Variants in CNTN5 observed in about 807,000 individuals in gnomAD.
CNTN5 encodes contactin-5.
Under a neutral mutation model 129.1 loss-of-function variants are expected in CNTN5, and 77 were observed. The ratio of observed to expected loss-of-function variants is 0.60; its 90% CI spans 0.50 to 0.72. The LOEUF is 0.72. Among genes scored for constraint, CNTN5 ranks in the 30% least tolerant of loss-of-function variants. The pLI, the probability that CNTN5 is intolerant of heterozygous loss-of-function variation, is 0.00. For missense variants in CNTN5, 1,478 were observed against 1,328.8 expected (o/e 1.11, Z -1.75); for synonymous variants, 509 against 465.6 (o/e 1.09, Z -1.20).
chr11:99,761,161 A>G (rs1022684653), intron 3 of CNTN5, among the ~76,000 whole-genome samples: 3 of 152,104 alleles, frequency 2.0e-5, no homozygotes, highest in Non-Finnish European at 4.4e-5. Flanking sequence ...AACAGTAGTA[A>G]TTATTATTTT....
intron 3 of CNTN5, among the ~76,000 whole-genome samples, chr11:99,764,948 A>G (rs1220064682): frequency 1.3e-5 from 2 of 152,072 alleles, no homozygotes; most frequent in Non-Finnish European, 2.9e-5. Flanking sequence ...TCTGTATCAC[A>G]TCATAAATAA....
intron 17 of CNTN5, among the ~76,000 whole-genome samples, chr11:100,270,164 C>G (rs980974128): frequency 3.3e-5 from 5 of 152,204 alleles, no homozygotes; most frequent in African/African-American, 1.2e-4. Flanking sequence ...TGCCTATGCT[C>G]TGAGCATTCA....
At chr11:99,900,892 A>T (rs146862949) in intron 6 of CNTN5, among the ~76,000 whole-genome samples, 2 of 152,098 alleles carry the variant, frequency 1.3e-5, no homozygotes, top group Non-Finnish European at 2.9e-5. Context: ...AGCTAGCCTC[A>T]TACATGTCTC....
intron 2 of CNTN5, among the ~76,000 whole-genome samples, chr11:99,348,522 A>G (rs1938066323): frequency 1.3e-5 from 2 of 152,180 alleles, no homozygotes; most frequent in African/African-American, 4.8e-5. Context: ...TTTTATATCT[A>G]AGCCTGCCAA....
At chr11:99,810,382 T>C (rs918257557) in intron 3 of CNTN5, among the ~76,000 whole-genome samples, 3 of 152,160 alleles carry the variant, frequency 2.0e-5, no homozygotes, top group Admixed American at 2.0e-4. Context: ...ATACCAGGAA[T>C]GCAGTGCCGT....
chr11:100,357,319 G>T lies in CNTN5; in HGVS notation c.*1099G>T, dbSNP rs987693044. ...AAAGACAGTCTTTCTTGGATAAATT[G>T]AATTTTTAATTAAGCTGTGGAAACA... On this transcript the variant is annotated 3_prime_UTR_variant, in exon 25 of 25. Transcript: ENST00000524871. The T allele has an allele frequency of 2.0e-5, 3 of 151,744 alleles. No homozygotes were observed. The highest frequency in any genetic ancestry group is 4.4e-5 in the Non-Finnish European group (3 of 67,794). 9.4% of individuals were successfully genotyped at this position (151,744 alleles called of 1,614,324 possible). A position where few individuals can be genotyped will look rare whatever the true frequency, so the allele number is the denominator to read the frequency against.
At chr11:100,351,143 G>C (rs1300443469) in intron 24 of CNTN5, among the ~76,000 whole-genome samples, 1 of 151,592 alleles carries the variant, frequency 6.6e-6, no homozygotes, top group East Asian at 1.9e-4. Context: ...GCAGTACCTT[G>C]CTAGCCATTT....
chr11:99,930,736 C>T (rs1045095883), intron 7 of CNTN5, among the ~76,000 whole-genome samples: 2 of 151,958 alleles, frequency 1.3e-5, no homozygotes, highest in East Asian at 1.9e-4. Context: ...CTGAATTAAA[C>T]ATTTAATGCT....
Position 99,519,730 on chromosome 11 carries a change from A to G in CNTN5, c.-70-36415A>G, listed in dbSNP as rs529461963. ...AACTGCATAAAAATATACATTTCAC[A>G]TTCCATGTTTATTCAACCAGTCTGG... On this transcript the variant is annotated intron_variant, in intron 2 of 24. Coordinates refer to ENST00000524871, the MANE Select transcript of CNTN5 (RefSeq NM_014361.4). Among the ~76,000 whole-genome samples the G allele has an allele frequency of 3.3e-5, 5 of 152,196 alleles. No homozygotes were observed. The East Asian group carries it at 5.8e-4, about 18-fold the overall frequency.
chr11:99,502,419 G>T (rs1007178919), intron 2 of CNTN5, among the ~76,000 whole-genome samples: 1 of 151,868 alleles, frequency 6.6e-6, no homozygotes, highest in Middle Eastern at 3.2e-3. Context: ...CACGGGGGTT[G>T]GGGGGGTGGT....
intron 8 of CNTN5, among the ~76,000 whole-genome samples, chr11:99,979,342 A>G (rs1938190953): frequency 6.6e-6 from 1 of 152,170 alleles, no homozygotes; most frequent in Non-Finnish European, 1.5e-5. Flanking sequence ...ATTTGCACAG[A>G]GGAGTTGACA....
chr11:99,142,704 A>G (rs1450158145), intron 1 of CNTN5, among the ~76,000 whole-genome samples: 1 of 152,124 alleles, frequency 6.6e-6, no homozygotes, highest in East Asian at 1.9e-4. Flanking sequence ...GGGGATAAGC[A>G]TCCCTGGGCA....
At chr11:99,110,709 A>G (rs1438819322) in intron 1 of CNTN5, among the ~76,000 whole-genome samples, 1 of 152,118 alleles carries the variant, frequency 6.6e-6, no homozygotes, top group Non-Finnish European at 1.5e-5. Flanking sequence ...CTCATTACTG[A>G]AGAAGTTACA....
At chr11:99,030,575 C>A (rs1401536258) in intron 1 of CNTN5, among the ~76,000 whole-genome samples, 2 of 152,066 alleles carry the variant, frequency 1.3e-5, no homozygotes, top group Non-Finnish European at 2.9e-5. Context: ...AGCATAGATT[C>A]TATTTTGTAA....
At chr11:99,366,683 G>A (rs993349290) in intron 2 of CNTN5, among the ~76,000 whole-genome samples, 2 of 152,104 alleles carry the variant, frequency 1.3e-5, no homozygotes, top group African/African-American at 4.8e-5. Context: ...CTGTGACGTC[G>A]CCACAGGGAG....
intron 3 of CNTN5, among the ~76,000 whole-genome samples, chr11:99,660,237 T>A (rs1274386510): frequency 6.6e-6 from 1 of 152,130 alleles, no homozygotes; most frequent in African/African-American, 2.4e-5. Flanking sequence ...AATTATTTAA[T>A]TCATTCTGTT....
intron 9 of CNTN5, among the ~76,000 whole-genome samples, chr11:100,055,507 A>G (rs1168162941): frequency 6.6e-6 from 1 of 151,552 alleles, no homozygotes; most frequent in African/African-American, 2.4e-5. Context: ...TGTAGATTTG[A>G]TATCTTTATC....
intron 1 of CNTN5, among the ~76,000 whole-genome samples, chr11:99,141,921 G>T (rs1271109803): frequency 6.6e-6 from 1 of 152,130 alleles, no homozygotes; most frequent in Non-Finnish European, 1.5e-5. Flanking sequence ...GCCAATTTTA[G>T]AGTATTTGCC....
At chr11:100,223,942 C>G (rs973255294) in intron 15 of CNTN5, among the ~76,000 whole-genome samples, 1 of 152,084 alleles carries the variant, frequency 6.6e-6, no homozygotes, top group East Asian at 1.9e-4. Context: ...AGTATAGGAA[C>G]ATCACCTATC....
Sources: gnomAD v4.1 joint callset for allele counts (sites outside exome capture counted in the v4.1 genomes callset) on GRCh38, gnomAD v4.1.1 for gene constraint, MANE v1.5 for transcripts, NCBI Gene and HGNC (gene_info 2026-07-23, HGNC 2026-07-21) for gene names.